The following MSH3 variants were observed in gnomAD, a reference collection of about 807,000 sequenced individuals.
The protein encoded by MSH3 is mutS homolog 3.
In MSH3, 106 loss-of-function variants were observed where a neutral mutation model predicts 123.3. The ratio of observed to expected loss-of-function variants is 0.86; its 90% CI spans 0.73 to 1.01. The LOEUF is 1.01. MSH3 is among the 50% of genes least tolerant of loss of function. The probability of loss-of-function intolerance (pLI) is 0.00; values close to 1 mark genes in which losing one functional copy is unlikely to be tolerated. For missense variants in MSH3, 1,459 were observed against 1,347.6 expected, an observed-to-expected ratio of 1.08 and a Z score of -1.29; for synonymous variants, 515 against 481.4, an observed-to-expected ratio of 1.07 and a Z score of -0.91.
chr5:80,869,498 T>C (rs1413444520), intron 22 of MSH3, among the ~76,000 whole-genome samples: 1 of 151,872 alleles, frequency 6.6e-6, no homozygotes, highest in East Asian at 1.9e-4. Flanking sequence ...CCAACCCCTC[T>C]CGCACACAGA....
intron 10 of MSH3, among the ~76,000 whole-genome samples, chr5:80,735,224 A>G (rs1383009143): frequency 6.6e-6 from 1 of 152,042 alleles, no homozygotes; most frequent in African/African-American, 2.4e-5. Flanking sequence ...TCTCTACTGA[A>G]AATACAAAAA....
chr5:80,850,681 C>T (rs566672260), intron 20 of MSH3, among the ~76,000 whole-genome samples: 3 of 152,332 alleles, frequency 2.0e-5, no homozygotes, highest in African/African-American at 7.2e-5. Context: ...CCAGGTCCCT[C>T]CCACAACATG....
intron 21 of MSH3, among the ~76,000 whole-genome samples, chr5:80,862,759 C>T (rs989266803): frequency 3.3e-5 from 5 of 150,486 alleles, no homozygotes; most frequent in Non-Finnish European, 7.4e-5. Context: ...GACCCTGTCT[C>T]TAAAAAAAAA....
intron 8 of MSH3, among the ~76,000 whole-genome samples, chr5:80,713,625 A>G (rs1750900176): frequency 6.6e-6 from 1 of 152,218 alleles, no homozygotes. Flanking sequence ...TGGGTCAATT[A>G]TATAATCATA....
At chr5:80,826,925 A>G (rs1745324659) in intron 20 of MSH3, among the ~76,000 whole-genome samples, 3 of 152,198 alleles carry the variant, frequency 2.0e-5, no homozygotes, top group Non-Finnish European at 1.5e-5. Flanking sequence ...TTTAAAAAGT[A>G]GAGTTTTGGC....
At chr5:80,813,848 A>G in intron 20 of MSH3, 107 bp downstream of exon 20, 1 of 1,206,778 alleles carries the variant, frequency 8.3e-7, no homozygotes, top group Non-Finnish European at 1.2e-6. Context: ...TAAAGCACTC[A>G]ACATTTAGGA....
chr5:80,709,563 A>C (rs1445940881), intron 8 of MSH3, among the ~76,000 whole-genome samples: 3 of 152,194 alleles, frequency 2.0e-5, no homozygotes, highest in African/African-American at 7.2e-5. Flanking sequence ...CGGAGCTTGC[A>C]GTGAGCTGAG....
At chr5:80,697,636 G>A (rs1561447511) in intron 8 of MSH3, among the ~76,000 whole-genome samples, 1 of 152,192 alleles carries the variant, frequency 6.6e-6, no homozygotes, top group South Asian at 2.1e-4. Context: ...GGCAATGTGT[G>A]TCACATTTTC....
At position 80,854,392 on chromosome 5, in the gene MSH3, G is replaced by A. The variant is rs539533567; in HGVS notation, c.3000+76G>A. 3.7e-6 allele frequency: 5 copies of A among 1,368,292 alleles called. No homozygotes were observed. In the South Asian group the frequency reaches 6.1e-5, roughly 17 times the overall value. The allele number at this position is 1,368,292 out of a possible 1,614,324, so 84.8% of individuals were successfully genotyped here. ...ATTTTTAAATGACAGTCATAATTGTGCCATATTTATGGGGTACAATGTGAT... is the reference window on the plus strand; with the variant it reads ...ATTTTTAAATGACAGTCATAATTGTACCATATTTATGGGGTACAATGTGAT... On this transcript the variant is annotated intron_variant, in intron 21 of 23. Coordinates refer to ENST00000265081, the MANE Select transcript of MSH3 (RefSeq NM_002439.5).
chr5:80,738,338 A>T (rs1257416140), intron 10 of MSH3, among the ~76,000 whole-genome samples: 1 of 152,196 alleles, frequency 6.6e-6, no homozygotes, highest in African/African-American at 2.4e-5. Context: ...ACTCTTCTCT[A>T]GCTCTATGAA....
chr5:80,796,190 T>C (rs1398350303), intron 19 of MSH3, among the ~76,000 whole-genome samples: 1 of 152,180 alleles, frequency 6.6e-6, no homozygotes, highest in African/African-American at 2.4e-5. Flanking sequence ...CCCTTGGGAT[T>C]GACTTATTTC....
chr5:80,688,674 A>G (rs1323917623), intron 8 of MSH3, among the ~76,000 whole-genome samples: 1 of 152,156 alleles, frequency 6.6e-6, no homozygotes, highest in Non-Finnish European at 1.5e-5. Context: ...CAAATTAGGT[A>G]TCTGTGTTAT....
chr5:80,728,384 G>A (rs1053224825), intron 9 of MSH3, among the ~76,000 whole-genome samples: 5 of 152,178 alleles, frequency 3.3e-5, no homozygotes, highest in African/African-American at 1.2e-4. Context: ...ATAATTGGAA[G>A]TCATTCCATT....
chr5:80,684,527 G>A (rs1750041403), intron 8 of MSH3, among the ~76,000 whole-genome samples: 1 of 152,062 alleles, frequency 6.6e-6, no homozygotes, highest in Non-Finnish European at 1.5e-5. Flanking sequence ...TTGATTTTGT[G>A]TCCTGCAACT....
intron 17 of MSH3, among the ~76,000 whole-genome samples, chr5:80,781,500 C>G (rs759122363): frequency 4.1e-5 from 6 of 147,868 alleles, no homozygotes; most frequent in Non-Finnish European, 8.9e-5. Context: ...TTTTTCCTCG[C>G]TCTGCCACCC....
chr5:80,868,421 G>A (rs1258235204), intron 22 of MSH3, among the ~76,000 whole-genome samples: 1 of 151,416 alleles, frequency 6.6e-6, no homozygotes, highest in Non-Finnish European at 1.5e-5. Context: ...AATACACTGT[G>A]GAATACTATC....
chr5:80,731,542 T>C (rs1403938410), intron 10 of MSH3, among the ~76,000 whole-genome samples: 1 of 151,586 alleles, frequency 6.6e-6, no homozygotes, highest in African/African-American at 2.4e-5. Context: ...AGTATTAATA[T>C]AGGATTAATG....
intron 22 of MSH3, among the ~76,000 whole-genome samples, chr5:80,871,694 A>G (rs1319921587): frequency 6.6e-6 from 1 of 152,168 alleles, no homozygotes; most frequent in African/African-American, 2.4e-5. Context: ...AGGCAACAAA[A>G]TGAGAGTACC....
intron 4 of MSH3, among the ~76,000 whole-genome samples, chr5:80,671,727 G>T (rs1749728260): frequency 6.6e-6 from 1 of 152,174 alleles, no homozygotes; most frequent in Non-Finnish European, 1.5e-5. Context: ...AGGAAATCAG[G>T]GAATCACATG....
Sources: allele counts gnomAD v4.1 joint callset (sites outside exome capture counted in the v4.1 genomes callset), GRCh38; gene constraint gnomAD v4.1.1; transcripts MANE v1.5; gene names NCBI Gene and HGNC (gene_info 2026-07-23, HGNC 2026-07-21).